Variants in DMRT2 observed in about 807,000 individuals in gnomAD.
The protein encoded by DMRT2 is doublesex and mab-3 related transcription factor 2.
DMRT2 carries 33 observed loss-of-function variants against 43.5 expected under a neutral mutation model. That is an observed-to-expected ratio of 0.76 (90% CI 0.58 to 1.01). The LOEUF is 1.01. Among genes scored for constraint, DMRT2 ranks in the 50% least tolerant of loss-of-function variants. The probability of loss-of-function intolerance (pLI) is 0.00; values close to 1 mark genes in which losing one functional copy is unlikely to be tolerated. For missense variants in DMRT2, 1,064 were observed against 748.0 expected, an observed-to-expected ratio of 1.42 and a Z score of -4.93; for synonymous variants, 395 against 309.2, an observed-to-expected ratio of 1.28 and a Z score of -2.91.
At chr9:1,056,190 T>C (rs1821970489) in intron 3 of DMRT2, 26 bp from the exon 4 acceptor site, 1 of 1,573,140 alleles carries the variant, frequency 6.4e-7, no homozygotes, top group African/African-American at 1.4e-5. Flanking sequence ...TTAATCTCTT[T>C]CATGTGCAAT....
Position 1,051,535 on chromosome 9 carries a change from C to T in DMRT2, c.-44-35C>T. On this transcript the variant is annotated intron_variant, in intron 1 of 3. Transcript: ENST00000358146. This position sits in a 1 kb window ranked among gnomAD's most constrained non-coding sequence, Gnocchi z 5.9. ...GCTCAGGGATGGTCCCTGACGGCGG[C>T]CGGTGGGTCTTTGGATTTCTTTGTG... is the stretch of plus-strand genomic sequence containing the variant. 1 of 1,427,190 alleles carries T rather than the reference C, an allele frequency of 7.0e-7. No homozygotes were observed. Among genetic ancestry groups the T allele is most frequent in the South Asian group, 1.5e-5 (1 of 67,042 alleles). 88.4% of individuals were successfully genotyped at this position (1,427,190 alleles called of 1,614,324 possible).
intron 3 of DMRT2, 186 bp from the exon 4 acceptor site, chr9:1,056,030 C>G (rs1351353893): frequency 2.1e-6 from 3 of 1,423,128 alleles, no homozygotes; most frequent in East Asian, 5.1e-5. Context: ...GTATGGATAT[C>G]TTTCACCCTC....
rs192001475 is a variant in DMRT2 at position 1,055,138 on chromosome 9, T to C, written c.629-1078T>C. ...GAAGTCTGAGGACTAAATGGAATAGTAAATTCAACTAAATAACTTCCTGGC... is the reference window on the plus strand; with the variant it reads ...GAAGTCTGAGGACTAAATGGAATAGCAAATTCAACTAAATAACTTCCTGGC... On this transcript the variant is annotated intron_variant, in intron 3 of 3. Coordinates refer to ENST00000358146, the MANE Select transcript of DMRT2 (RefSeq NM_181872.6). 3.3e-3 allele frequency among the ~76,000 whole-genome samples: 507 copies of C among 152,380 alleles called. 2 individuals carry two copies. The highest frequency in any genetic ancestry group is 0.014 in the Middle Eastern group (4 of 294).
intron 3 of DMRT2, 91 bp from the exon 4 acceptor site, chr9:1,056,125 T>C: frequency 6.6e-7 from 1 of 1,516,152 alleles, no homozygotes; most frequent in Non-Finnish European, 8.8e-7. Flanking sequence ...ATTGTTCTGC[T>C]GATCTGTAGT....
At position 1,052,135 on chromosome 9, in the gene DMRT2, C is replaced by A. The variant is rs982319193; in HGVS notation, c.522C>A (p.Thr174=). The A allele has an allele frequency of 6.4e-6, 9 of 1,396,002 alleles. No homozygotes were observed. In the African/African-American group the frequency reaches 1.1e-4, roughly 16 times the overall value. The allele number at this position is 1,396,002 out of a possible 1,614,324, so 86.5% of individuals were successfully genotyped here. Residue 174 remains threonine, a synonymous_variant, in exon 2 of 4, where the codon ACC becomes ACA. Coordinates refer to ENST00000358146, the MANE Select transcript of DMRT2 (RefSeq NM_181872.6). The part of the protein sequence containing the change: ...AQVALRRQQA[T]EDKKGLSGKQ... ...TGGCGCTCCGGAGGCAGCAGGCCAC[C>A]GAGGTGCGTACCCGCCCGGCCCGGG...
chr9:1,053,334 C>A (rs1821744376), intron 2 of DMRT2, among the ~76,000 whole-genome samples: 1 of 152,356 alleles, frequency 6.6e-6, no homozygotes, highest in East Asian at 1.9e-4. Context: ...TTCTATCCGA[C>A]AGGTGGGCTC....
Position 1,050,571 on chromosome 9 carries a change from CCTCCCTCCTTCCCTCCACCTACCTT to C in DMRT2, c.-240_-216del, listed in dbSNP as rs1821495270. 1.3e-5 allele frequency: 2 copies of C among 152,540 alleles called. No individual in the cohort carries two copies. Among genetic ancestry groups the C allele is most frequent in the South Asian group, 4.1e-4 (2 of 4,832 alleles). 9.4% of individuals were successfully genotyped at this position (152,540 alleles called of 1,614,324 possible). On this transcript the variant is annotated 5_prime_UTR_variant, in exon 1 of 4. Coordinates refer to ENST00000358146, the MANE Select transcript of DMRT2 (RefSeq NM_181872.6). ...AGGTCGCTGAGGACTTGACTGGCTTCCTCCCTCCTTCCCTCCACCTACCTTCTCCCTCCCCCTCCACCATCCAGTG... is the reference window on the plus strand; with the variant it reads ...AGGTCGCTGAGGACTTGACTGGCTTCCTCCCTCCCCCTCCACCATCCAGTG...
chr9:1,056,362 A>G lies in DMRT2; in HGVS notation c.775A>G (p.Met259Val). Residue 259 changes from methionine (M) to valine (V), a missense_variant, in exon 4 of 4, where the codon ATG (methionine) becomes GTG (valine). By Grantham distance (21) the Met-to-Val change is conservative (BLOSUM62 1). Coordinates refer to ENST00000358146, the MANE Select transcript of DMRT2 (RefSeq NM_181872.6). ...GGAGAGAGAATATAAAGAAAGGGAG[A>G]TGTTGGAAACTTCTCAAGCTGCTGC... ...MLEREYKERE[M>V]LETSQAAALF... The G allele has an allele frequency of 1.9e-6, 3 of 1,614,168 alleles. No individual in the cohort carries two copies. The highest frequency in any genetic ancestry group is 1.7e-5 in the Admixed American group (1 of 60,012).
At chr9:1,052,457 G>A (rs1003624341) in intron 2 of DMRT2, among the ~76,000 whole-genome samples, 4 of 152,060 alleles carry the variant, frequency 2.6e-5, no homozygotes, top group African/African-American at 9.7e-5. Context: ...CATTTTCGTG[G>A]TGTTGAGGGC....
rs1821611157 is a variant in DMRT2, at chr9:1,051,854, C to CG, written c.248dup (p.Pro84ThrfsTer103). ...CGGGATGCCCGGCCAGCCGGAGCAG[C>CG]GGGGGGGACCGCAGCCGAGGCCGCC... On this transcript the variant is annotated frameshift_variant, in exon 2 of 4. Transcript: ENST00000358146. LOFTEE classifies it high-confidence loss of function. The surrounding 1 kb of genome is among the most constrained non-coding windows in gnomAD (Gnocchi z 5.9). 5.7e-6 allele frequency: 8 copies of CG among 1,398,322 alleles called. No homozygotes were observed. Among genetic ancestry groups the CG allele is most frequent in the Non-Finnish European group, 5.5e-6 (6 of 1,087,166 alleles). The allele number at this position is 1,398,322 out of a possible 1,614,324, so 86.6% of individuals were successfully genotyped here. A position where few individuals can be genotyped will look rare whatever the true frequency, so the allele number is the denominator to read the frequency against.
chr9:1,057,300 T>A lies in DMRT2; in HGVS notation c.*27T>A. 1 of 1,582,822 alleles carries A rather than the reference T, an allele frequency of 6.3e-7. No individual in the cohort carries two copies. Among genetic ancestry groups the A allele is most frequent in the Non-Finnish European group, 8.6e-7 (1 of 1,167,722 alleles). On this transcript the variant is annotated 3_prime_UTR_variant, in exon 4 of 4. Transcript: ENST00000358146. ...AGGCTGCTTAAACAGAAAGCTGGATTTTCTGCAGTCTTAGAGCATTATAGC... is the reference window on the plus strand; with the variant it reads ...AGGCTGCTTAAACAGAAAGCTGGATATTCTGCAGTCTTAGAGCATTATAGC...
At position 1,056,567 on chromosome 9, in the gene DMRT2, G is replaced by T. The variant is rs760360224; in HGVS notation, c.980G>T (p.Ser327Ile). The change falls in exon 4 of 4, where the codon AGC (serine) becomes ATC (isoleucine). Residue 327 changes from serine to isoleucine, a missense_variant. Transcript: ENST00000358146. ...ATGGAACTAATTTCTTCTAATGTCA[G>T]CGTGGCCACAACTTATAGACAGTAT... ...GNMELISSNV[S>I]VATTYRQYPL... is the part of the protein sequence containing the mutation. 6.2e-7 allele frequency: 1 copy of T among 1,614,190 alleles called. No individual in the cohort carries two copies. Among genetic ancestry groups the T allele is most frequent in the Non-Finnish European group, 8.5e-7 (1 of 1,180,032 alleles).
rs1040242825 is a variant in DMRT2, at chr9:1,057,160, C to T, written c.1573C>T (p.Leu525Phe). 6 of 1,613,970 alleles carry T rather than the reference C, an allele frequency of 3.7e-6. No individual in the cohort carries two copies. In the East Asian group the frequency reaches 1.3e-4, roughly 36 times the overall value. ...TACAATAGATAGATGTGCAAAAGAC[C>T]TTTTTGTAGCCAAACAAGTTGGAAC... ...TFTIDRCAKD[L>F]FVAKQVGTKL... Residue 525 changes from leucine (L) to phenylalanine (F), a missense_variant, in exon 4 of 4, where the codon CTT (leucine) becomes TTT (phenylalanine). By Grantham distance (22) the Leu-to-Phe change is conservative. Transcript: ENST00000358146.
chr9:1,055,290 G>GT (rs551615234), intron 3 of DMRT2, among the ~76,000 whole-genome samples: 12 of 152,176 alleles, frequency 7.9e-5, no homozygotes, highest in Non-Finnish European at 1.3e-4. Context: ...TATGACAGAG[G>GT]TGAGTGCTTG....
chr9:1,056,212 G>A lies in DMRT2; in HGVS notation c.629-4G>A. ...CTTTCATGTGCAATCTTTGCTTCTT[G>A]TAGGCTATCGCCCCATTCCAGCGGA... On this transcript the variant is annotated splice_polypyrimidine_tract_variant and splice_region_variant and intron_variant, in intron 3 of 3. Coordinates refer to ENST00000358146, the MANE Select transcript of DMRT2 (RefSeq NM_181872.6). 1 of 1,592,318 alleles carries A rather than the reference G, an allele frequency of 6.3e-7. No individual in the cohort carries two copies. Among genetic ancestry groups the A allele is most frequent in the Middle Eastern group, 1.7e-4 (1 of 5,842 alleles).
In DMRT2 at chr9:1,051,655, G is replaced by T; in HGVS notation, c.42G>T (p.Glu14Asp). The part of the protein sequence containing the change: ...PQAGSAAGDW[E>D]IDVESLELEE... ...CTGGCTCCGCGGCCGGGGACTGGGA[G>T]ATCGATGTCGAGAGCCTGGAGCTGG... Residue 14 changes from glutamate (E) to aspartate (D), a missense_variant, in exon 2 of 4, where the codon GAG (glutamate) becomes GAT (aspartate). Physicochemically the swap from Glu to Asp is conservative, Grantham distance 45. Coordinates refer to ENST00000358146, the MANE Select transcript of DMRT2 (RefSeq NM_181872.6). The surrounding 1 kb of genome is among the most constrained non-coding windows in gnomAD (Gnocchi z 5.9). The T allele has an allele frequency of 6.4e-7, 1 of 1,570,148 alleles. No individual in the cohort carries two copies. Among genetic ancestry groups the T allele is most frequent in the South Asian group, 1.1e-5 (1 of 87,488 alleles).
At position 1,051,647 on chromosome 9, in the gene DMRT2, G is replaced by A. The variant is rs755985562; in HGVS notation, c.34G>A (p.Asp12Asn). The change falls in exon 2 of 4, where the codon GAC becomes AAC. Residue 12 changes from aspartate to asparagine, a missense_variant. Asp to Asn is a conservative substitution (Grantham distance 23). Transcript: ENST00000358146. The surrounding 1 kb of genome is among the most constrained non-coding windows in gnomAD (Gnocchi z 5.9). ...ADPQAGSAAG[D>N]WEIDVESLEL... ...CCCGCAGGCTGGCTCCGCGGCCGGG[G>A]ACTGGGAGATCGATGTCGAGAGCCT... 8.3e-6 allele frequency: 13 copies of A among 1,568,888 alleles called. No individual in the cohort carries two copies. The South Asian group carries it at 1.4e-4, about 17-fold the overall frequency.
chr9:1,055,727 C>A, intron 3 of DMRT2: 2 of 1,483,134 alleles, frequency 1.3e-6, no homozygotes, highest in South Asian at 2.8e-5. Context: ...CCTAGTTCTC[C>A]TTGGATTATT....
At chr9:1,053,919 A>G (rs1478625950) in intron 3 of DMRT2, 95 bp downstream of exon 3, 4 of 1,035,162 alleles carry the variant, frequency 3.9e-6, no homozygotes, top group South Asian at 1.7e-5. Context: ...TGAAAGAGCT[A>G]TCTAAAGGGA....
Sources: allele counts gnomAD v4.1 joint callset (sites outside exome capture counted in the v4.1 genomes callset), GRCh38; gene constraint gnomAD v4.1.1; non-coding constraint Gnocchi (gnomAD v3.1); transcripts MANE v1.5; gene names NCBI Gene and HGNC (gene_info 2026-07-23, HGNC 2026-07-21).